PTPRD: variants seen among roughly 807,000 people sequenced by gnomAD.
PTPRD encodes the protein receptor-type tyrosine-protein phosphatase delta.
In PTPRD, 34 loss-of-function variants were observed where a neutral mutation model predicts 214.5. The ratio of observed to expected loss-of-function variants is 0.16; its 90% CI spans 0.12 to 0.21. The LOEUF (loss-of-function observed/expected upper bound fraction) is 0.21, where lower values mean the gene tolerates loss of function less well. Ranked by LOEUF, PTPRD falls within the 10% of genes least tolerant of loss-of-function variation. The pLI is 1.00. For synonymous variants in PTPRD, 1,128 were observed against 845.7 expected (o/e 1.33, Z -5.79); for missense variants, 2,545 against 2,398.7 (o/e 1.06, Z -1.27).
chr9:8,601,681 G>A (rs1047237612), intron 14 of PTPRD, among the ~76,000 whole-genome samples: 1 of 152,198 alleles, frequency 6.6e-6, no homozygotes, highest in Non-Finnish European at 1.5e-5. Context: ...CTGTGCTATT[G>A]GGGTTGGGAT....
intron 11 of PTPRD, among the ~76,000 whole-genome samples, chr9:8,841,606 G>C (rs1012877415): frequency 1.3e-5 from 2 of 151,930 alleles, no homozygotes; most frequent in Admixed American, 6.6e-5. Flanking sequence ...CAAATGTATT[G>C]TATTCTTAAT....
rs1567249497 is a variant in PTPRD at position 10,039,585 on chromosome 9, C to T, written c.-544-5795G>A. Among the ~76,000 whole-genome samples, 4 of 152,022 alleles carry T rather than the reference C, an allele frequency of 2.6e-5. No homozygotes were observed. In the South Asian group the frequency reaches 6.2e-4, roughly 24 times the overall value. Reference sequence around the variant, plus strand: ...TTTTCCTTATATAAAGAACACTTAGCTTATGAACTAAAACTCCTGGGTTAA... The same window carrying T: ...TTTTCCTTATATAAAGAACACTTAGTTTATGAACTAAAACTCCTGGGTTAA... On this transcript the variant is annotated intron_variant, in intron 3 of 45. Coordinates refer to ENST00000381196, the MANE Select transcript of PTPRD (RefSeq NM_002839.4).
intron 3 of PTPRD, among the ~76,000 whole-genome samples, chr9:10,237,452 G>A (rs2099632779): frequency 6.6e-6 from 1 of 151,734 alleles, no homozygotes; most frequent in Non-Finnish European, 1.5e-5. Context: ...AATTTCTTAA[G>A]GGATACATAC....
At chr9:8,989,831 C>T (rs938561311) in intron 11 of PTPRD, among the ~76,000 whole-genome samples, 13 of 151,938 alleles carry the variant, frequency 8.6e-5, no homozygotes, top group African/African-American at 2.9e-4. Context: ...AACCGTGAAG[C>T]TTTGCAAAAA....
At chr9:9,631,356 A>G (rs2095587868) in intron 7 of PTPRD, among the ~76,000 whole-genome samples, 1 of 152,172 alleles carries the variant, frequency 6.6e-6, no homozygotes, top group Non-Finnish European at 1.5e-5. Flanking sequence ...CGATTACATC[A>G]TAGTCCTTAT....
intron 10 of PTPRD, among the ~76,000 whole-genome samples, chr9:9,143,461 C>A (rs1404929625): frequency 6.6e-6 from 1 of 152,100 alleles, no homozygotes; most frequent in Non-Finnish European, 1.5e-5. Flanking sequence ...CTTCTATTAT[C>A]TTTTCCAAGT....
intron 11 of PTPRD, among the ~76,000 whole-genome samples, chr9:8,752,610 G>A (rs981903669): frequency 6.6e-6 from 1 of 152,098 alleles, no homozygotes; most frequent in Non-Finnish European, 1.5e-5. Context: ...TTGGGGTCTG[G>A]ATCGGGACCC....
chr9:9,440,583 A>G (rs914109931), intron 8 of PTPRD, among the ~76,000 whole-genome samples: 3 of 152,212 alleles, frequency 2.0e-5, no homozygotes, highest in African/African-American at 7.2e-5. Flanking sequence ...TGGAATCTTT[A>G]AAAGTCTCCA....
At chr9:9,715,529 T>A (rs75362976) in intron 7 of PTPRD, among the ~76,000 whole-genome samples, 5,562 of 152,256 alleles carry the variant, frequency 0.037, 320 homozygotes, top group African/African-American at 0.13. Context: ...ACAGTTTTAC[T>A]TGATTTCTGA....
At chr9:10,523,601 G>GTATATATATATATATATATATACA (rs201455705) in intron 2 of PTPRD, among the ~76,000 whole-genome samples, 5 of 64,336 alleles carry the variant, frequency 7.8e-5, no homozygotes, top group African/African-American at 2.5e-4. Flanking sequence ...ATATTTATCT[G>GTATATATATATATATATATATACA]TATATATATA....
At chr9:9,176,890 A>G (rs1290456721) in intron 10 of PTPRD, among the ~76,000 whole-genome samples, 1 of 152,170 alleles carries the variant, frequency 6.6e-6, no homozygotes, top group African/African-American at 2.4e-5. Context: ...ATAGCAGCAC[A>G]AAACAGATAA....
intron 11 of PTPRD, among the ~76,000 whole-genome samples, chr9:8,949,299 G>T (rs1077882): frequency 0.14 from 21,625 of 151,484 alleles, 1,662 homozygotes; most frequent in South Asian, 0.19. Flanking sequence ...CATGTGAAGA[G>T]TGGTAGAAAT....
chr9:9,765,075 C>A (rs774613737), intron 6 of PTPRD, among the ~76,000 whole-genome samples: 1 of 152,108 alleles, frequency 6.6e-6, no homozygotes, highest in African/African-American at 2.4e-5. Flanking sequence ...TCTGGCAGTG[C>A]ACGTCAGCTG....
rs530260763 is a variant in PTPRD at position 8,670,418 on chromosome 9, T to C, written c.65-33574A>G. Reference sequence around the variant, plus strand: ...TACTATAGCTATATCAGCTTGAATGTATGGATTATAGTCTACATGTAAGTG... The same window carrying C: ...TACTATAGCTATATCAGCTTGAATGCATGGATTATAGTCTACATGTAAGTG... On this transcript the variant is annotated intron_variant, in intron 12 of 45. Coordinates refer to ENST00000381196, the MANE Select transcript of PTPRD (RefSeq NM_002839.4). Among the ~76,000 whole-genome samples the C allele has an allele frequency of 3.2e-4, 48 of 152,284 alleles. No individual in the cohort carries two copies. In the South Asian group the frequency reaches 9.3e-3, roughly 30 times the overall value.
chr9:9,810,394 G>C (rs1442247291), intron 5 of PTPRD, among the ~76,000 whole-genome samples: 3 of 152,024 alleles, frequency 2.0e-5, no homozygotes, highest in African/African-American at 4.8e-5. Context: ...CAAAGGACTG[G>C]TTTACTCTCT....
intron 3 of PTPRD, among the ~76,000 whole-genome samples, chr9:10,329,479 T>C (rs1448247964): frequency 2.6e-5 from 4 of 151,880 alleles, no homozygotes; most frequent in Non-Finnish European, 5.9e-5. Flanking sequence ...TGTAAAATCA[T>C]GAAGTCTGTT....
At chr9:9,763,832 A>C (rs2154477582) in intron 6 of PTPRD, among the ~76,000 whole-genome samples, 1 of 152,258 alleles carries the variant, frequency 6.6e-6, no homozygotes, top group East Asian at 1.9e-4. Flanking sequence ...TGTCACAGAA[A>C]GAATTGAAAA....
intron 9 of PTPRD, among the ~76,000 whole-genome samples, chr9:9,187,793 GGTGTT>G (rs1220092167): frequency 6.6e-6 from 1 of 150,702 alleles, no homozygotes; most frequent in Non-Finnish European, 1.5e-5. Flanking sequence ...TTTTTTTTGT[GGTGTT>G]GTGTTATGTT....
chr9:9,864,869 A>C (rs999819702), intron 5 of PTPRD, among the ~76,000 whole-genome samples: 4 of 152,096 alleles, frequency 2.6e-5, no homozygotes, highest in African/African-American at 7.2e-5. Context: ...AATTTATTAC[A>C]CATTTTATAC....
Sources: gnomAD v4.1 joint callset for allele counts (sites outside exome capture counted in the v4.1 genomes callset) on GRCh38, gnomAD v4.1.1 for gene constraint, MANE v1.5 for transcripts, NCBI Gene and HGNC (gene_info 2026-07-23, HGNC 2026-07-21) for gene names.